Variants in SHOC2 observed in about 807,000 individuals in gnomAD.
SHOC2 encodes SHOC2 leucine rich repeat scaffold protein, also known as leucine-rich repeat protein SHOC-2.
A neutral mutation model predicts 50.2 loss-of-function variants in SHOC2; 4 were observed. The ratio of observed to expected loss-of-function variants is 0.08; its 90% CI spans 0.04 to 0.18. SHOC2 has a LOEUF of 0.18. Ranked by LOEUF, SHOC2 falls within the 10% of genes least tolerant of loss-of-function variation. The pLI is 1.00. For missense variants in SHOC2, 388 were observed against 669.6 expected, an observed-to-expected ratio of 0.58 and a Z score of 4.64; for synonymous variants, 218 against 244.5, an observed-to-expected ratio of 0.89 and a Z score of 1.01.
chr10:111,002,337 T>C (rs1023552016), intron 4 of SHOC2, among the ~76,000 whole-genome samples: 4 of 152,188 alleles, frequency 2.6e-5, no homozygotes, highest in African/African-American at 4.8e-5. Context: ...ACAGCACTTA[T>C]GAGATACTCA....
chr10:110,960,920 G>A (rs904375920), intron 1 of SHOC2, among the ~76,000 whole-genome samples: 21 of 151,954 alleles, frequency 1.4e-4, no homozygotes, highest in Admixed American at 1.2e-3. Context: ...TAAGTGATCC[G>A]CCTGCCTCAG....
At chr10:110,957,952 A>G (rs1217565077) in intron 1 of SHOC2, among the ~76,000 whole-genome samples, 1 of 152,144 alleles carries the variant, frequency 6.6e-6, no homozygotes, top group African/African-American at 2.4e-5. Context: ...GTAACTGGAG[A>G]TGATAATCCC....
chr10:110,984,198 A>C (rs1362313091), intron 2 of SHOC2, among the ~76,000 whole-genome samples: 1 of 152,126 alleles, frequency 6.6e-6, no homozygotes, highest in Non-Finnish European at 1.5e-5. Flanking sequence ...TAGCCATCCC[A>C]GTGGGTATGA....
chr10:110,923,242 A>G (rs910176640), intron 1 of SHOC2, among the ~76,000 whole-genome samples: 1 of 152,056 alleles, frequency 6.6e-6, no homozygotes, highest in Non-Finnish European at 1.5e-5. Context: ...TAATTTCTGA[A>G]TTACAGATGA....
At chr10:110,925,311 C>T (rs1401352871) in intron 1 of SHOC2, among the ~76,000 whole-genome samples, 2 of 151,878 alleles carry the variant, frequency 1.3e-5, no homozygotes, top group Non-Finnish European at 2.9e-5. Context: ...ACAGTTATAC[C>T]CTAGAAGCAG....
intron 1 of SHOC2, among the ~76,000 whole-genome samples, chr10:110,923,748 G>T (rs978248880): frequency 6.6e-6 from 1 of 152,112 alleles, no homozygotes; most frequent in Admixed American, 6.5e-5. Context: ...GGGTATAATT[G>T]GTCCCTATGT....
chr10:110,964,772 C>T lies in SHOC2; in HGVS notation c.414C>T (p.Leu138=). 6.2e-7 allele frequency: 1 copy of T among 1,614,126 alleles called. No homozygotes were observed. Among genetic ancestry groups the T allele is most frequent in the Middle Eastern group, 1.6e-4 (1 of 6,062 alleles). ...TATACAGTAACAAATTGCAGTCCCTCCCAGCAGAGGTGGGATGTTTAGTAA... is the reference window on the plus strand; with the variant it reads ...TATACAGTAACAAATTGCAGTCCCTTCCAGCAGAGGTGGGATGTTTAGTAA... The part of the protein sequence containing the change: ...LYLYSNKLQS[L]PAEVGCLVNL... Residue 138 remains leucine, a synonymous_variant, in exon 2 of 9, where the codon CTC becomes CTT. Transcript: ENST00000369452. This position sits in a 1 kb window ranked among gnomAD's most constrained non-coding sequence, Gnocchi z 4.9.
At chr10:110,972,617 G>A (rs1394193182) in intron 2 of SHOC2, among the ~76,000 whole-genome samples, 1 of 152,160 alleles carries the variant, frequency 6.6e-6, no homozygotes, top group Admixed American at 6.5e-5. Context: ...GGCCAAGGCA[G>A]GTGGATTACT....
At chr10:110,933,552 A>G (rs1478771416) in intron 1 of SHOC2, among the ~76,000 whole-genome samples, 1 of 152,262 alleles carries the variant, frequency 6.6e-6, no homozygotes, top group African/African-American at 2.4e-5. Context: ...TAAATGAGTG[A>G]ACCCAGTAGG....
rs867775329 is a variant in SHOC2 at position 110,988,782 on chromosome 10, C to T, written c.841+3017C>T. The T allele has an allele frequency of 5.0e-5, 16 of 321,786 alleles. 2 individuals carry two copies. The Middle Eastern group carries it at 8.4e-3, about 169-fold the overall frequency. The allele number at this position is 321,786 out of a possible 1,614,324, so 19.9% of individuals were successfully genotyped here. Reference sequence around the variant, plus strand: ...TTGAGGTCATTAATTTGAGACCTTTCTATTATTCTCATAAAGACAGTTAGC... The same window carrying T: ...TTGAGGTCATTAATTTGAGACCTTTTTATTATTCTCATAAAGACAGTTAGC... On this transcript the variant is annotated intron_variant, in intron 3 of 8. Coordinates refer to ENST00000369452, the MANE Select transcript of SHOC2 (RefSeq NM_007373.4).
At chr10:110,939,976 C>A (rs914027173) in intron 1 of SHOC2, among the ~76,000 whole-genome samples, 4 of 152,090 alleles carry the variant, frequency 2.6e-5, no homozygotes, top group Non-Finnish European at 5.9e-5. Flanking sequence ...AGAATATATT[C>A]TTTTTAACAT....
intron 5 of SHOC2, 72 bp from the exon 6 acceptor site, chr10:111,007,459 C>T: frequency 2.0e-6 from 3 of 1,509,028 alleles, no homozygotes; most frequent in Non-Finnish European, 2.8e-6. Flanking sequence ...AATTCTCTTT[C>T]CGAAGTGACA....
intron 1 of SHOC2, among the ~76,000 whole-genome samples, chr10:110,943,396 C>T (rs1294612280): frequency 3.9e-5 from 6 of 152,028 alleles, no homozygotes; most frequent in African/African-American, 9.7e-5. Context: ...GCACTTTCAA[C>T]TCCAGGTTAT....
At chr10:110,976,634 T>C (rs1326455073) in intron 2 of SHOC2, among the ~76,000 whole-genome samples, 3 of 152,192 alleles carry the variant, frequency 2.0e-5, no homozygotes, top group African/African-American at 7.2e-5. Context: ...GAAAGCTGTT[T>C]TTCCTAATAT....
At chr10:110,979,740 A>G (rs1847939148) in intron 2 of SHOC2, among the ~76,000 whole-genome samples, 1 of 152,224 alleles carries the variant, frequency 6.6e-6, no homozygotes, top group Admixed American at 6.5e-5. Flanking sequence ...TATTTTACGT[A>G]GATGTCTCAC....
chr10:110,926,957 A>G (rs1442315114), intron 1 of SHOC2, among the ~76,000 whole-genome samples: 4 of 152,220 alleles, frequency 2.6e-5, no homozygotes, highest in African/African-American at 9.6e-5. Context: ...TAGATACTAT[A>G]ATTACTATGT....
chr10:110,939,597 G>A lies in SHOC2; in HGVS notation c.-235+19940G>A, dbSNP rs192089354. ...GTCATCCATATGATGTTAGATTGATGTTAGATTATGACGTATGTCAACTTT... is the reference window on the plus strand; with the variant it reads ...GTCATCCATATGATGTTAGATTGATATTAGATTATGACGTATGTCAACTTT... On this transcript the variant is annotated intron_variant, in intron 1 of 8. Coordinates refer to ENST00000369452, the MANE Select transcript of SHOC2 (RefSeq NM_007373.4). Among the ~76,000 whole-genome samples the A allele has an allele frequency of 2.1e-4, 32 of 152,298 alleles. 1 individual carries two copies. The East Asian group carries it at 5.8e-3, about 28-fold the overall frequency.
At chr10:110,920,674 A>T (rs1846620575) in intron 1 of SHOC2, among the ~76,000 whole-genome samples, 1 of 152,210 alleles carries the variant, frequency 6.6e-6, no homozygotes, top group Admixed American at 6.5e-5. Flanking sequence ...TACAGTTGGC[A>T]GTTTGATTTT....
In SHOC2 at chr10:110,973,034, G is replaced by A. The variant is rs541536900; in HGVS notation, c.703+7973G>A. Among the ~76,000 whole-genome samples the A allele has an allele frequency of 5.9e-5, 9 of 152,254 alleles. No homozygotes were observed. The South Asian group carries it at 1.0e-3, about 18-fold the overall frequency. ...CATGTCCCTTAGTTGCAGAAAACTT[G>A]CTTAGAAGAGCCCCTGAAGTCGTCT... On this transcript the variant is annotated intron_variant, in intron 2 of 8. Transcript: ENST00000369452.
Sources: allele counts gnomAD v4.1 joint callset (sites outside exome capture counted in the v4.1 genomes callset), GRCh38; gene constraint gnomAD v4.1.1; non-coding constraint Gnocchi (gnomAD v3.1); transcripts MANE v1.5; gene names NCBI Gene and HGNC (gene_info 2026-07-23, HGNC 2026-07-21).